EHBP1: variants seen among roughly 807,000 people sequenced by gnomAD.
EHBP1 encodes EH domain binding protein 1, also known as EH domain-binding protein 1.
A neutral mutation model predicts 144.0 loss-of-function variants in EHBP1; 55 were observed. That is an observed-to-expected ratio of 0.38 (90% CI 0.31 to 0.48). The LOEUF (loss-of-function observed/expected upper bound fraction) is 0.48, where lower values mean the gene tolerates loss of function less well. Ranked by LOEUF, EHBP1 falls within the 20% of genes least tolerant of loss-of-function variation. The probability of loss-of-function intolerance (pLI) is 0.98; values close to 1 mark genes in which losing one functional copy is unlikely to be tolerated. For synonymous variants in EHBP1, 469 were observed against 472.7 expected, an observed-to-expected ratio of 0.99 and a Z score of 0.10; for missense variants, 1,200 against 1,364.2, an observed-to-expected ratio of 0.88 and a Z score of 1.90.
At chr2:62,742,883 A>G (rs1173756980) in intron 2 of EHBP1, among the ~76,000 whole-genome samples, 1 of 152,092 alleles carries the variant, frequency 6.6e-6, no homozygotes, top group Non-Finnish European at 1.5e-5. Flanking sequence ...GCTGATTTGT[A>G]TGTATTTATT....
chr2:63,003,997 GT>G (rs1426999952), intron 19 of EHBP1, among the ~76,000 whole-genome samples: 1 of 151,936 alleles, frequency 6.6e-6, no homozygotes, highest in Non-Finnish European at 1.5e-5. Flanking sequence ...TGTATCTGTT[GT>G]TTTAAACTGA....
At chr2:62,880,927 A>G (rs1573873973) in intron 10 of EHBP1, among the ~76,000 whole-genome samples, 1 of 152,210 alleles carries the variant, frequency 6.6e-6, no homozygotes. Flanking sequence ...TATATACCCA[A>G]ACATACTAGG....
chr2:62,759,071 G>A (rs988646166), intron 3 of EHBP1, among the ~76,000 whole-genome samples: 3 of 152,076 alleles, frequency 2.0e-5, no homozygotes, highest in Non-Finnish European at 2.9e-5. Context: ...AATAATTAGC[G>A]AATGAGACAG....
intron 19 of EHBP1, among the ~76,000 whole-genome samples, chr2:63,011,189 G>A (rs2060252376): frequency 6.6e-6 from 1 of 150,822 alleles, no homozygotes; most frequent in Non-Finnish European, 1.5e-5. Context: ...CATTCACATG[G>A]GCACGTTGAG....
chr2:62,740,197 T>C (rs1161057716), intron 2 of EHBP1, among the ~76,000 whole-genome samples: 1 of 152,148 alleles, frequency 6.6e-6, no homozygotes, highest in African/African-American at 2.4e-5. Flanking sequence ...TTTTAAACAA[T>C]AGAATGACAC....
intron 6 of EHBP1, among the ~76,000 whole-genome samples, chr2:62,830,185 CACACACACACAT>C (rs1332834142): frequency 9.3e-5 from 10 of 107,800 alleles, no homozygotes; most frequent in South Asian, 8.3e-4. Context: ...CACACACACA[CACACACACACAT>C]ATATATACAC....
intron 7 of EHBP1, among the ~76,000 whole-genome samples, chr2:62,841,388 C>A (rs2047847324): frequency 6.6e-6 from 1 of 150,772 alleles, no homozygotes; most frequent in Non-Finnish European, 1.5e-5. Flanking sequence ...ATACCTAATG[C>A]TAGATGACGA....
intron 2 of EHBP1, among the ~76,000 whole-genome samples, chr2:62,725,111 A>G (rs1403666507): frequency 2.6e-5 from 4 of 152,114 alleles, no homozygotes; most frequent in Admixed American, 2.0e-4. Flanking sequence ...GAGGACTTTT[A>G]TCAGCCCTGA....
At chr2:62,955,713 A>T (rs983150517) in intron 14 of EHBP1, 53 bp downstream of exon 14, 2 of 1,558,062 alleles carry the variant, frequency 1.3e-6, no homozygotes, top group Admixed American at 1.9e-5. Context: ...AATCATGGGG[A>T]GGAGGGAAGT....
chr2:62,826,142 A>T lies in EHBP1; in HGVS notation c.368A>T (p.Gln123Leu). Reference sequence around the variant, plus strand: ...GCTACTAGCAGCATCAATATGAAACAGTATGCAAGCCCTATGCCAACTCAG... The same window carrying T: ...GCTACTAGCAGCATCAATATGAAACTGTATGCAAGCCCTATGCCAACTCAG... ...ALATSSINMK[Q>L]YASPMPTQTD... The change falls in exon 6 of 23, where the codon CAG becomes CTG. Residue 123 changes from glutamine (Q) to leucine (L), a missense_variant. By Grantham distance (113) the Gln-to-Leu change is moderately radical. Around this residue, in one of 6 missense-constraint regions of EHBP1, gnomAD observed 137 missense variants for 190.1 expected, o/e 0.72. Coordinates refer to ENST00000431489, the MANE Select transcript of EHBP1 (RefSeq NM_001142616.3). The T allele has an allele frequency of 6.3e-7, 1 of 1,591,242 alleles. No homozygotes were observed.
chr2:62,826,297 T>G (rs1191366311), intron 6 of EHBP1, 29 bp downstream of exon 6: 5 of 1,557,228 alleles, frequency 3.2e-6, no homozygotes, highest in Non-Finnish European at 3.5e-6. Context: ...ATAAGCTTCC[T>G]TACATTGTGT....
At chr2:62,773,351 A>G (rs1313066811) in intron 5 of EHBP1, among the ~76,000 whole-genome samples, 1 of 152,096 alleles carries the variant, frequency 6.6e-6, no homozygotes, top group African/African-American at 2.4e-5. Flanking sequence ...TGGAAAATCT[A>G]GGCCAGTTTT....
At chr2:62,809,277 T>TGA (rs1391943800) in intron 5 of EHBP1, among the ~76,000 whole-genome samples, 1 of 120,408 alleles carries the variant, frequency 8.3e-6, no homozygotes, top group Non-Finnish European at 1.6e-5. Flanking sequence ...GGCAACAGAG[T>TGA]GAGACTATGT....
chr2:62,977,422 A>G (rs908783029), intron 14 of EHBP1, among the ~76,000 whole-genome samples: 3 of 151,988 alleles, frequency 2.0e-5, no homozygotes, highest in Admixed American at 6.6e-5. Flanking sequence ...GCACTGACCT[A>G]CCTAACCACC....
At chr2:62,863,358 C>A (rs764863567) in intron 8 of EHBP1, among the ~76,000 whole-genome samples, 5 of 151,980 alleles carry the variant, frequency 3.3e-5, no homozygotes, top group Non-Finnish European at 7.4e-5. Context: ...CTTTGGGAGG[C>A]CGAGGCAGGT....
chr2:62,983,178 C>T (rs1046566910), intron 15 of EHBP1, among the ~76,000 whole-genome samples: 4 of 151,966 alleles, frequency 2.6e-5, no homozygotes, highest in Admixed American at 6.6e-5. Flanking sequence ...ATGTAACAAA[C>T]GATGTGGGTT....
intron 1 of EHBP1, chr2:62,706,587 C>T (rs2034604900): frequency 6.5e-6 from 1 of 152,726 alleles, no homozygotes; most frequent in African/African-American, 2.4e-5. Context: ...TAGACTTTCC[C>T]GCTCTGCTCG....
rs574863734 is a variant in EHBP1 at position 62,914,155 on chromosome 2, A to G, written c.1186-28563A>G. Among the ~76,000 whole-genome samples the G allele has an allele frequency of 2.0e-5, 3 of 152,272 alleles. No homozygotes were observed. The South Asian group carries it at 6.2e-4, about 32-fold the overall frequency. On this transcript the variant is annotated intron_variant, in intron 10 of 22. Coordinates refer to ENST00000431489, the MANE Select transcript of EHBP1 (RefSeq NM_001142616.3). ...TAAGCATACAGCTATTAGATAAATC[A>G]TTATTTCTGAAATTATAGAGCTAAA...
At chr2:62,882,064 A>G (rs2051479279) in intron 10 of EHBP1, among the ~76,000 whole-genome samples, 2 of 152,292 alleles carry the variant, frequency 1.3e-5, no homozygotes, top group South Asian at 4.1e-4. Context: ...AAGGACATTG[A>G]AGTTCAGTAG....
Sources: allele counts gnomAD v4.1 joint callset (sites outside exome capture counted in the v4.1 genomes callset), GRCh38; gene constraint gnomAD v4.1.1; regional missense constraint gnomAD v4.1.1; transcripts MANE v1.5; gene names NCBI Gene and HGNC (gene_info 2026-07-23, HGNC 2026-07-21).